VAV2: variants seen among roughly 807,000 people sequenced by gnomAD.
VAV2 encodes the protein vav guanine nucleotide exchange factor 2, also known as guanine nucleotide exchange factor VAV2.
Under a neutral mutation model 132.5 loss-of-function variants are expected in VAV2, and 67 were observed. The observed-to-expected ratio is 0.51, with a 90% CI of 0.42 to 0.62. The LOEUF (loss-of-function observed/expected upper bound fraction) is 0.62, where lower values mean the gene tolerates loss of function less well. VAV2 is among the 20% of genes least tolerant of loss of function. The pLI is 0.00. For missense variants in VAV2, 938 were observed against 1,153.6 expected, an observed-to-expected ratio of 0.81 and a Z score of 2.71; for synonymous variants, 492 against 443.5, an observed-to-expected ratio of 1.11 and a Z score of -1.37.
At chr9:133,936,038 C>G (rs2132124667) in intron 2 of VAV2, among the ~76,000 whole-genome samples, 1 of 152,298 alleles carries the variant, frequency 6.6e-6, no homozygotes, top group Admixed American at 6.5e-5. Flanking sequence ...TGCTGAGACC[C>G]TGCACACATG....
At chr9:133,800,894 C>T (rs1054324652) in intron 9 of VAV2, among the ~76,000 whole-genome samples, 1 of 152,218 alleles carries the variant, frequency 6.6e-6, no homozygotes, top group African/African-American at 2.4e-5. Context: ...CCTATCATTG[C>T]CCCTTCTTCA....
At chr9:133,936,274 A>C (rs1588140915) in intron 2 of VAV2, among the ~76,000 whole-genome samples, 2 of 136,284 alleles carry the variant, frequency 1.5e-5, no homozygotes, top group African/African-American at 2.8e-5. Context: ...ACAGAGTCTC[A>C]CTCTATCACT....
chr9:133,892,977 C>A (rs867110557), intron 2 of VAV2, among the ~76,000 whole-genome samples: 1 of 152,168 alleles, frequency 6.6e-6, no homozygotes, highest in Non-Finnish European at 1.5e-5. Context: ...AAAGTGAGAC[C>A]AGGAACACCA....
chr9:133,795,826 AC>A (rs1834690652), intron 11 of VAV2, 90 bp from the exon 12 acceptor site: 9 of 1,443,872 alleles, frequency 6.2e-6, no homozygotes, highest in Non-Finnish European at 8.6e-6. Flanking sequence ...TGTGCACAGA[AC>A]CAAGTCCTCA....
intron 2 of VAV2, among the ~76,000 whole-genome samples, chr9:133,886,701 G>A (rs1164641611): frequency 3.3e-5 from 5 of 152,274 alleles, no homozygotes; most frequent in South Asian, 4.1e-4. Context: ...TACACACCCC[G>A]CCAAGACCTT....
chr9:133,764,756 T>C (rs1032303984), intron 29 of VAV2, among the ~76,000 whole-genome samples: 5 of 152,038 alleles, frequency 3.3e-5, no homozygotes, highest in African/African-American at 4.8e-5. Flanking sequence ...GTGGAAATAA[T>C]ATGAGGCCAT....
chr9:133,778,714 A>G, intron 22 of VAV2, 48 bp downstream of exon 22: 1 of 1,603,274 alleles, frequency 6.2e-7, no homozygotes, highest in Non-Finnish European at 8.5e-7. Context: ...GGGAGCAGGG[A>G]GGAGCTGGAG....
intron 1 of VAV2, among the ~76,000 whole-genome samples, chr9:133,968,049 G>T (rs547824458): frequency 6.6e-6 from 1 of 152,030 alleles, no homozygotes; most frequent in African/African-American, 2.4e-5. Flanking sequence ...ATCAGAGACT[G>T]GGTGGGGCGA....
intron 1 of VAV2, among the ~76,000 whole-genome samples, chr9:133,940,437 G>A (rs1045884483): frequency 1.3e-5 from 2 of 152,150 alleles, no homozygotes; most frequent in African/African-American, 4.8e-5. Flanking sequence ...CATAGTGCAC[G>A]TCAGAATCAG....
At chr9:133,990,277 C>T (rs1012515585) in intron 1 of VAV2, among the ~76,000 whole-genome samples, 3 of 152,156 alleles carry the variant, frequency 2.0e-5, no homozygotes, top group Non-Finnish European at 4.4e-5. Context: ...CCTAGACACC[C>T]GTCCACCCCC....
At chr9:133,909,589 G>C (rs1214975297) in intron 2 of VAV2, among the ~76,000 whole-genome samples, 4 of 152,134 alleles carry the variant, frequency 2.6e-5, no homozygotes, top group Admixed American at 2.0e-4. Flanking sequence ...CCATCCACAA[G>C]AGATAGCCAG....
chr9:133,978,452 G>T (rs1470667727), intron 1 of VAV2, among the ~76,000 whole-genome samples: 1 of 152,284 alleles, frequency 6.6e-6, no homozygotes, highest in Non-Finnish European at 1.5e-5. Context: ...CCAATCCTGG[G>T]AAGGCCACAG....
rs567541044 is a variant in VAV2 at position 133,804,849 on chromosome 9, C to T, written c.836+1232G>A. On this transcript the variant is annotated intron_variant, in intron 9 of 29. Coordinates refer to ENST00000371850, the MANE Select transcript of VAV2 (RefSeq NM_001134398.2). This position sits in a 1 kb window ranked among gnomAD's most constrained non-coding sequence, Gnocchi z 4.5. ...ACCCTCTGGGGCTGGCCAGTGTGCT[C>T]ACACCTGCTGGGCCTCGTCAGCTCT... is the stretch of plus-strand genomic sequence containing the variant. Among the ~76,000 whole-genome samples the T allele has an allele frequency of 3.3e-5, 5 of 152,308 alleles. No individual in the cohort carries two copies. The South Asian group carries it at 1.0e-3, about 32-fold the overall frequency.
At chr9:133,838,851 A>ATGGATGGATGGATGGG (rs1836591486) in intron 3 of VAV2, among the ~76,000 whole-genome samples, 1 of 52,544 alleles carries the variant, frequency 1.9e-5, no homozygotes, top group African/African-American at 1.3e-4. Flanking sequence ...GGATGGATGA[A>ATGGATGGATGGATGGG]TGGGTGGGTG....
At position 133,833,390 on chromosome 9, in the gene VAV2, G is replaced by T. The variant is rs549467451; in HGVS notation, c.449+882C>A. On this transcript the variant is annotated intron_variant, in intron 4 of 29. Coordinates refer to ENST00000371850, the MANE Select transcript of VAV2 (RefSeq NM_001134398.2). This position sits in a 1 kb window ranked among gnomAD's most constrained non-coding sequence, Gnocchi z 5.6. ...TCTCAGTCTGTGCTCTAAAACGAAG[G>T]GAGAGAGAAACACTAAGAGTCTTCC... Among the ~76,000 whole-genome samples, 20 of 152,126 alleles carry T rather than the reference G, an allele frequency of 1.3e-4. No individual in the cohort carries two copies. The highest frequency in any genetic ancestry group is 1.5e-4 in the Non-Finnish European group (10 of 68,016).
intron 3 of VAV2, among the ~76,000 whole-genome samples, chr9:133,859,407 T>C (rs1223519548): frequency 6.6e-6 from 1 of 152,160 alleles, no homozygotes; most frequent in Non-Finnish European, 1.5e-5. Flanking sequence ...TGTGGGCACC[T>C]GTGGCAGGAC....
chr9:133,958,130 T>G (rs1003591152), intron 1 of VAV2, among the ~76,000 whole-genome samples: 5 of 141,574 alleles, frequency 3.5e-5, no homozygotes, highest in African/African-American at 1.3e-4. Flanking sequence ...CCCCATGTGA[T>G]AGTCTGAAAT....
chr9:133,849,022 C>T (rs552294779), intron 3 of VAV2, among the ~76,000 whole-genome samples: 7 of 152,284 alleles, frequency 4.6e-5, no homozygotes, highest in African/African-American at 9.6e-5. Flanking sequence ...GAAAATGAGC[C>T]GATAATGTTA....
intron 19 of VAV2, among the ~76,000 whole-genome samples, chr9:133,781,788 G>C (rs1207001786): frequency 2.0e-5 from 3 of 152,350 alleles, no homozygotes; most frequent in East Asian, 3.9e-4. Flanking sequence ...GGATGAGGAG[G>C]GGGGCAAGGA....
Sources: allele counts gnomAD v4.1 joint callset (sites outside exome capture counted in the v4.1 genomes callset), GRCh38; gene constraint gnomAD v4.1.1; non-coding constraint Gnocchi (gnomAD v3.1); transcripts MANE v1.5; gene names NCBI Gene and HGNC (gene_info 2026-07-23, HGNC 2026-07-21).